GRM5: variants seen among roughly 807,000 people sequenced by gnomAD.
GRM5 encodes glutamate metabotropic receptor 5.
A neutral mutation model predicts 83.1 loss-of-function variants in GRM5; 19 were observed. That is an observed-to-expected ratio of 0.23 (90% CI 0.16 to 0.34). The LOEUF is 0.34. Ranked by LOEUF, GRM5 falls within the 10% of genes least tolerant of loss-of-function variation. The probability of loss-of-function intolerance (pLI) is 1.00; values close to 1 mark genes in which losing one functional copy is unlikely to be tolerated. For missense variants in GRM5, 1,160 were observed against 1,588.3 expected, an observed-to-expected ratio of 0.73 and a Z score of 4.58; for synonymous variants, 675 against 633.6, an observed-to-expected ratio of 1.07 and a Z score of -0.98.
At chr11:88,913,839 G>A (rs933389130) in intron 2 of GRM5, among the ~76,000 whole-genome samples, 14 of 151,876 alleles carry the variant, frequency 9.2e-5, no homozygotes, top group African/African-American at 1.9e-4. Context: ...TACATACCTC[G>A]GCCTCCCAAA....
At chr11:88,544,478 A>C (rs1942345948) in intron 8 of GRM5, among the ~76,000 whole-genome samples, 3 of 152,170 alleles carry the variant, frequency 2.0e-5, no homozygotes, top group Non-Finnish European at 4.4e-5. Flanking sequence ...AAATGTGTGC[A>C]TTGCCTCCTT....
chr11:88,679,202 T>C (rs1318481862), intron 3 of GRM5, among the ~76,000 whole-genome samples: 1 of 152,118 alleles, frequency 6.6e-6, no homozygotes, highest in African/African-American at 2.4e-5. Flanking sequence ...GACACTGCAG[T>C]TTGGATCATG....
intron 7 of GRM5, among the ~76,000 whole-genome samples, chr11:88,572,815 G>A (rs1943030857): frequency 1.3e-5 from 2 of 152,000 alleles, no homozygotes; most frequent in Non-Finnish European, 2.9e-5. Flanking sequence ...TAAGTTACTG[G>A]AAGTGTATGT....
chr11:88,851,697 T>C (rs953234480), intron 2 of GRM5, among the ~76,000 whole-genome samples: 6 of 152,152 alleles, frequency 3.9e-5, no homozygotes, highest in Non-Finnish European at 8.8e-5. Flanking sequence ...GCAAATGAAA[T>C]CTGTTAACTT....
At chr11:88,820,050 C>T (rs1943759300) in intron 3 of GRM5, among the ~76,000 whole-genome samples, 1 of 151,984 alleles carries the variant, frequency 6.6e-6, no homozygotes, top group Admixed American at 6.6e-5. Context: ...TTAAGTTTCC[C>T]ACACATGAAC....
intron 3 of GRM5, among the ~76,000 whole-genome samples, chr11:88,750,508 C>T (rs1942246079): frequency 1.3e-5 from 2 of 152,260 alleles, no homozygotes; most frequent in South Asian, 4.1e-4. Flanking sequence ...TAACATTCCA[C>T]TGACAATATT....
In GRM5 at chr11:88,891,610, C is replaced by CTAAGTATAGGCTATCAA. The variant is rs59362348; in HGVS notation, c.662-41456_662-41455insTTGATAGCCTATACTTA. Among the ~76,000 whole-genome samples, 2 of 38,358 alleles carry CTAAGTATAGGCTATCAA rather than the reference C, an allele frequency of 5.2e-5. 1 individual carries two copies. The highest frequency in any genetic ancestry group is 1.8e-4 in the African/African-American group (2 of 11,200). The allele number at this position is 38,358 out of a possible 152,430, so 25.2% of individuals were successfully genotyped here. A position where few individuals can be genotyped will look rare whatever the true frequency, so the allele number is the denominator to read the frequency against. ...TATGGGATTTCTAAAATTCTAATGT[C>CTAAGTATAGGCTATCAA]TCATAATTAATTTTAAAATTATTGT... is the stretch of plus-strand genomic sequence containing the variant. On this transcript the variant is annotated intron_variant, in intron 2 of 9. Coordinates refer to ENST00000305447, the MANE Select transcript of GRM5 (RefSeq NM_001143831.3).
At chr11:88,671,665 T>C (rs1940197083) in intron 3 of GRM5, among the ~76,000 whole-genome samples, 1 of 151,958 alleles carries the variant, frequency 6.6e-6, no homozygotes, top group South Asian at 2.1e-4. Context: ...AAAGAAAATA[T>C]ACGGAAAGGA....
At chr11:88,617,931 T>A (rs1184988062) in intron 4 of GRM5, among the ~76,000 whole-genome samples, 3 of 151,802 alleles carry the variant, frequency 2.0e-5, no homozygotes, top group Admixed American at 2.0e-4. Flanking sequence ...AGGTGGGGAG[T>A]GCTAAGAAAG....
intron 4 of GRM5, among the ~76,000 whole-genome samples, chr11:88,641,857 C>A (rs1347606306): frequency 1.3e-5 from 2 of 152,142 alleles, no homozygotes; most frequent in African/African-American, 4.8e-5. Flanking sequence ...AAGTTGAGTG[C>A]CTGTGACTTT....
At chr11:88,865,306 G>T (rs1291052027) in intron 2 of GRM5, among the ~76,000 whole-genome samples, 1 of 152,022 alleles carries the variant, frequency 6.6e-6, no homozygotes, top group Non-Finnish European at 1.5e-5. Context: ...ACAAGCAATG[G>T]GGAAAGGATC....
intron 7 of GRM5, among the ~76,000 whole-genome samples, chr11:88,570,230 T>C (rs1942958773): frequency 6.6e-6 from 1 of 152,138 alleles, no homozygotes; most frequent in African/African-American, 2.4e-5. Context: ...AATGTTTCTA[T>C]GGGAAAATGT....
intron 3 of GRM5, among the ~76,000 whole-genome samples, chr11:88,700,670 A>G (rs1277190012): frequency 6.6e-6 from 1 of 152,166 alleles, no homozygotes; most frequent in Admixed American, 6.6e-5. Flanking sequence ...ATCTACCACC[A>G]TGGCATCCTT....
intron 2 of GRM5, among the ~76,000 whole-genome samples, chr11:88,885,659 T>C (rs1407411445): frequency 1.3e-5 from 2 of 151,760 alleles, no homozygotes; most frequent in Admixed American, 6.6e-5. Flanking sequence ...AAAGAGGCAA[T>C]ATGCAGTTCT....
chr11:88,799,052 T>C (rs986915232), intron 3 of GRM5, among the ~76,000 whole-genome samples: 4 of 151,688 alleles, frequency 2.6e-5, no homozygotes, highest in African/African-American at 9.7e-5. Context: ...ACAGAAACTC[T>C]TGTGCCCTTT....
At chr11:88,901,963 C>A (rs1417303376) in intron 2 of GRM5, among the ~76,000 whole-genome samples, 1 of 152,096 alleles carries the variant, frequency 6.6e-6, no homozygotes, top group East Asian at 1.9e-4. Flanking sequence ...TGGAATTATA[C>A]AAGTAGTTCC....
At chr11:88,878,187 T>C (rs1273579050) in intron 2 of GRM5, among the ~76,000 whole-genome samples, 1 of 152,122 alleles carries the variant, frequency 6.6e-6, no homozygotes, top group Non-Finnish European at 1.5e-5. Context: ...GCACAGATGT[T>C]CTTCGATAGG....
rs1417143229 is a variant in GRM5, at chr11:88,765,413, A to C, written c.911+84493T>G. Among the ~76,000 whole-genome samples, 12 of 143,246 alleles carry C rather than the reference A, an allele frequency of 8.4e-5. No individual in the cohort carries two copies. The South Asian group carries it at 2.6e-3, about 31-fold the overall frequency. 94.0% of individuals were successfully genotyped at this position (143,246 alleles called of 152,430 possible). A position where few individuals can be genotyped will look rare whatever the true frequency, so the allele number is the denominator to read the frequency against. ...ACAATTTGAAAAAAAAAAAAAAAAA[A>C]AACAAAGTGGAAGGACTCACACTTT... On this transcript the variant is annotated intron_variant, in intron 3 of 9. Transcript: ENST00000305447.
chr11:88,984,892 T>C lies in GRM5; in HGVS notation c.661+62320A>G, dbSNP rs779913306. 4.6e-6 allele frequency: 3 copies of C among 651,210 alleles called. No individual in the cohort carries two copies. The African/African-American group carries it at 5.5e-5, about 12-fold the overall frequency. The allele number at this position is 651,210 out of a possible 1,614,324, so 40.3% of individuals were successfully genotyped here. On this transcript the variant is annotated intron_variant, in intron 2 of 9. Transcript: ENST00000305447. ...ACACACACCTGGCAAATCATGAAAA[T>C]AAATTTTATGTTGTTATCAATGATA...
Sources: allele counts gnomAD v4.1 joint callset (sites outside exome capture counted in the v4.1 genomes callset), GRCh38; gene constraint gnomAD v4.1.1; transcripts MANE v1.5; gene names NCBI Gene and HGNC (gene_info 2026-07-23, HGNC 2026-07-21).